The following DOCK2 variants were observed in gnomAD, a reference collection of about 807,000 sequenced individuals.
The protein encoded by DOCK2 is dedicator of cytokinesis protein 2.
A neutral mutation model predicts 248.9 loss-of-function variants in DOCK2; 87 were observed. The observed-to-expected ratio is 0.35, with a 90% CI of 0.29 to 0.42. The LOEUF (loss-of-function observed/expected upper bound fraction) is 0.42. Among genes scored for constraint, DOCK2 ranks in the 10% least tolerant of loss-of-function variants. The probability of loss-of-function intolerance (pLI) is 1.00; values close to 1 mark genes in which losing one functional copy is unlikely to be tolerated. For missense variants in DOCK2, 1,747 were observed against 2,300.2 expected (o/e 0.76, Z 4.92); for synonymous variants, 805 against 821.6 (o/e 0.98, Z 0.35).
intron 27 of DOCK2, among the ~76,000 whole-genome samples, chr5:169,978,475 T>C (rs1777814706): frequency 6.6e-6 from 1 of 151,398 alleles, no homozygotes; most frequent in Non-Finnish European, 1.5e-5. Context: ...CTAAAATTAT[T>C]GGCATTGTCA....
chr5:169,773,558 G>A (rs1439666027), intron 25 of DOCK2, among the ~76,000 whole-genome samples: 2 of 151,870 alleles, frequency 1.3e-5, no homozygotes, highest in African/African-American at 4.8e-5. Flanking sequence ...ATCTAGTTTT[G>A]GAATGATTCT....
rs146957189 is a variant in DOCK2 at position 170,006,533 on chromosome 5, G to A, written c.3073-1964G>A. On this transcript the variant is annotated intron_variant, in intron 30 of 51. Coordinates refer to ENST00000520908, the MANE Select transcript of DOCK2 (RefSeq NM_004946.3). Reference sequence around the variant, plus strand: ...TTACCATGTAGGTCAGGCTGGTCTCGAATGATCTGATGTGTTTTAAAAGGT... The same window carrying A: ...TTACCATGTAGGTCAGGCTGGTCTCAAATGATCTGATGTGTTTTAAAAGGT... Among the ~76,000 whole-genome samples the A allele has an allele frequency of 4.2e-4, 64 of 152,146 alleles. No homozygotes were observed. The East Asian group carries it at 5.8e-3, about 14-fold the overall frequency.
intron 21 of DOCK2, 138 bp downstream of exon 21, chr5:169,717,622 A>C: frequency 1.3e-6 from 1 of 769,272 alleles, no homozygotes; most frequent in Non-Finnish European, 2.2e-6. Flanking sequence ...AATCTAACCT[A>C]TGCTTGGGTT....
intron 38 of DOCK2, among the ~76,000 whole-genome samples, chr5:170,045,194 T>C (rs1437072232): frequency 6.6e-6 from 1 of 152,162 alleles, no homozygotes; most frequent in Non-Finnish European, 1.5e-5. Flanking sequence ...GTGACAGGAT[T>C]GGCAGAGTAG....
At chr5:169,881,183 A>T (rs756671711) in intron 27 of DOCK2, among the ~76,000 whole-genome samples, 19 of 152,220 alleles carry the variant, frequency 1.2e-4, no homozygotes, top group Non-Finnish European at 2.5e-4. Context: ...TCAAAAGGGT[A>T]TGCTCATAGA....
chr5:169,810,886 C>T (rs1170375278), intron 26 of DOCK2, among the ~76,000 whole-genome samples: 2 of 151,984 alleles, frequency 1.3e-5, no homozygotes, highest in Non-Finnish European at 2.9e-5. Context: ...CCACATGCCC[C>T]CCACCCCCCA....
chr5:169,845,145 T>A (rs1770229937), intron 27 of DOCK2, among the ~76,000 whole-genome samples: 1 of 149,512 alleles, frequency 6.7e-6, no homozygotes, highest in South Asian at 2.2e-4. Context: ...TCTCAGTTTA[T>A]GGGACTGCCA....
At chr5:170,054,752 G>A (rs952828459) in intron 41 of DOCK2, among the ~76,000 whole-genome samples, 3 of 152,208 alleles carry the variant, frequency 2.0e-5, no homozygotes, top group Admixed American at 1.3e-4. Flanking sequence ...AAACTTACGG[G>A]TAATGCTGAC....
chr5:169,918,406 T>C (rs181518166), intron 27 of DOCK2, among the ~76,000 whole-genome samples: 1 of 152,298 alleles, frequency 6.6e-6, no homozygotes, highest in East Asian at 1.9e-4. Flanking sequence ...GTAGCACTGT[T>C]TATAAATCAC....
rs1163982404 is a variant in DOCK2 at position 169,654,385 on chromosome 5, T to C, written c.44-18T>C. On this transcript the variant is annotated intron_variant, in intron 1 of 51. Coordinates refer to ENST00000520908, the MANE Select transcript of DOCK2 (RefSeq NM_004946.3). ...GATCTAGAGGTCTCACCTAGCTGTC[T>C]TTCTTTCTGTTTCACAGCCATATAC... 1 of 1,613,994 alleles carries C rather than the reference T, an allele frequency of 6.2e-7. No homozygotes were observed. Among genetic ancestry groups the C allele is most frequent in the Non-Finnish European group, 8.5e-7 (1 of 1,179,902 alleles).
chr5:169,939,065 T>G (rs890143742), intron 27 of DOCK2, among the ~76,000 whole-genome samples: 5 of 151,210 alleles, frequency 3.3e-5, no homozygotes, highest in Non-Finnish European at 5.9e-5. Flanking sequence ...CACCACGCCC[T>G]GCTAATTTTT....
intron 30 of DOCK2, among the ~76,000 whole-genome samples, chr5:169,997,110 G>A (rs1289848504): frequency 6.6e-6 from 1 of 151,366 alleles, no homozygotes; most frequent in Non-Finnish European, 1.5e-5. Context: ...ACAATTGTGG[G>A]GAGAGGGTCA....
chr5:169,989,886 A>G lies in DOCK2; in HGVS notation c.2993+3964A>G, dbSNP rs188248300. Among the ~76,000 whole-genome samples the G allele has an allele frequency of 9.8e-5, 15 of 152,338 alleles. No individual in the cohort carries two copies. In the East Asian group the frequency reaches 2.9e-3, roughly 29 times the overall value. On this transcript the variant is annotated intron_variant, in intron 29 of 51. Coordinates refer to ENST00000520908, the MANE Select transcript of DOCK2 (RefSeq NM_004946.3). ...ATATTTCTATTTCTATGGTTTGGGTATAGCCAAACTACTTCACTGAAGCAG... is the reference window on the plus strand; with the variant it reads ...ATATTTCTATTTCTATGGTTTGGGTGTAGCCAAACTACTTCACTGAAGCAG...
rs372057171 is a variant in DOCK2 at position 170,041,987 on chromosome 5, T to A, written c.3757-26T>A. On this transcript the variant is annotated intron_variant, in intron 37 of 51. Coordinates refer to ENST00000520908, the MANE Select transcript of DOCK2 (RefSeq NM_004946.3). ...CTCTTGGCAGCCTCTCGGCCCTGTG[T>A]GACTTCCTGTGTCTTCTCTTCACAG... is the stretch of plus-strand genomic sequence containing the variant. The A allele has an allele frequency of 1.7e-4, 276 of 1,610,830 alleles. 1 individual carries two copies. In the African/African-American group the frequency reaches 3.3e-3, roughly 19 times the overall value.
intron 17 of DOCK2, among the ~76,000 whole-genome samples, chr5:169,713,797 A>T (rs1213945341): frequency 6.6e-6 from 1 of 152,204 alleles, no homozygotes; most frequent in African/African-American, 2.4e-5. Flanking sequence ...AGGTTCACAG[A>T]GCTTTCACCT....
chr5:170,026,922 G>T (rs1755937312), intron 33 of DOCK2, among the ~76,000 whole-genome samples: 1 of 152,100 alleles, frequency 6.6e-6, no homozygotes, highest in Non-Finnish European at 1.5e-5. Context: ...TTCTTTGGTT[G>T]CAGGGAACAA....
intron 44 of DOCK2, among the ~76,000 whole-genome samples, chr5:170,058,177 G>A (rs1046089062): frequency 3.3e-5 from 5 of 152,188 alleles, no homozygotes; most frequent in Non-Finnish European, 7.3e-5. Flanking sequence ...GGGTCTCCAC[G>A]TCCTCAGACA....
intron 26 of DOCK2, among the ~76,000 whole-genome samples, chr5:169,831,702 T>C (rs1215762315): frequency 6.6e-6 from 1 of 152,226 alleles, no homozygotes; most frequent in African/African-American, 2.4e-5. Context: ...GTCTGTAAAA[T>C]ACTTAGAAAA....
chr5:169,878,371 T>G (rs1772448964), intron 27 of DOCK2, among the ~76,000 whole-genome samples: 1 of 152,238 alleles, frequency 6.6e-6, no homozygotes, highest in Non-Finnish European at 1.5e-5. Flanking sequence ...AAACATGTTT[T>G]ATGTAAAACA....
Sources: allele counts gnomAD v4.1 joint callset (sites outside exome capture counted in the v4.1 genomes callset), GRCh38; gene constraint gnomAD v4.1.1; transcripts MANE v1.5; gene names NCBI Gene and HGNC (gene_info 2026-07-23, HGNC 2026-07-21).